CSMD3: variants seen among roughly 807,000 people sequenced by gnomAD.
CSMD3 encodes the protein CUB and Sushi multiple domains 3, also known as CUB and sushi domain-containing protein 3.
A neutral mutation model predicts 435.2 loss-of-function variants in CSMD3; 177 were observed. The observed-to-expected ratio is 0.41, with a 90% CI of 0.36 to 0.46. The LOEUF (loss-of-function observed/expected upper bound fraction) is 0.46, where lower values mean the gene tolerates loss of function less well. CSMD3 is among the 20% of genes least tolerant of loss of function. The pLI, the probability that CSMD3 is intolerant of heterozygous loss-of-function variation, is 0.34. For synonymous variants in CSMD3, 1,656 were observed against 1,520.5 expected, an observed-to-expected ratio of 1.09 and a Z score of -2.07; for missense variants, 4,265 against 4,504.6, an observed-to-expected ratio of 0.95 and a Z score of 1.52.
chr8:112,818,109 T>TA (rs1490908571), intron 12 of CSMD3, among the ~76,000 whole-genome samples: 16 of 151,944 alleles, frequency 1.1e-4, no homozygotes, highest in African/African-American at 3.9e-4. Flanking sequence ...TTTTATGGAA[T>TA]AGAATAAGTA....
chr8:112,722,402 T>C (rs1457456436), intron 13 of CSMD3, among the ~76,000 whole-genome samples: 1 of 152,174 alleles, frequency 6.6e-6, no homozygotes, highest in Non-Finnish European at 1.5e-5. Flanking sequence ...AAACATGATA[T>C]TGATATTGTG....
In CSMD3 at chr8:112,401,094, A is replaced by G. The variant is rs1831299252; in HGVS notation, c.5809+5430T>C. Among the ~76,000 whole-genome samples, 4 of 152,210 alleles carry G rather than the reference A, an allele frequency of 2.6e-5. No individual in the cohort carries two copies. In the South Asian group the frequency reaches 8.3e-4, roughly 32 times the overall value. ...CATGGTAGTGCATGCCTGTAATCCT[A>G]GCTGCTTGGGAGGCTGAGGTGGGAG... On this transcript the variant is annotated intron_variant, in intron 35 of 70. Coordinates refer to ENST00000297405, the MANE Select transcript of CSMD3 (RefSeq NM_198123.2).
chr8:113,041,570 G>A (rs1191729861), intron 5 of CSMD3, among the ~76,000 whole-genome samples: 3 of 151,874 alleles, frequency 2.0e-5, no homozygotes, highest in African/African-American at 4.8e-5. Flanking sequence ...CAATCTAAAG[G>A]GATTTGGAAT....
chr8:113,268,889 T>C (rs927375822), intron 3 of CSMD3, among the ~76,000 whole-genome samples: 1 of 152,070 alleles, frequency 6.6e-6, no homozygotes, highest in Non-Finnish European at 1.5e-5. Context: ...AAAATTCAGA[T>C]ATATTTTATA....
At chr8:112,258,867 A>G (rs761215616) in intron 61 of CSMD3, among the ~76,000 whole-genome samples, 6 of 152,006 alleles carry the variant, frequency 3.9e-5, no homozygotes, top group African/African-American at 9.7e-5. Flanking sequence ...GTGAAACCCC[A>G]TCTCTACTAA....
chr8:112,982,572 A>T (rs2085093440), intron 6 of CSMD3, among the ~76,000 whole-genome samples: 1 of 151,938 alleles, frequency 6.6e-6, no homozygotes, highest in African/African-American at 2.4e-5. Context: ...AATCTTGTGG[A>T]ACAGCTGGCA....
At chr8:113,413,385 T>C (rs888257825) in intron 1 of CSMD3, among the ~76,000 whole-genome samples, 1 of 152,106 alleles carries the variant, frequency 6.6e-6, no homozygotes, top group African/African-American at 2.4e-5. Context: ...TGGAAAATCT[T>C]TTATTATTGT....
In CSMD3 at chr8:112,677,758, G is replaced by C. The variant is rs577793294; in HGVS notation, c.2677+4684C>G. Among the ~76,000 whole-genome samples the C allele has an allele frequency of 2.6e-5, 4 of 152,088 alleles. No individual in the cohort carries two copies. In the South Asian group the frequency reaches 8.3e-4, roughly 32 times the overall value. On this transcript the variant is annotated intron_variant, in intron 16 of 70. Transcript: ENST00000297405. Reference sequence around the variant, plus strand: ...TTACACAACTTCACAACAAAAAATAGTAACTCAAGAAACTTTCTCCTGAAA... The same window carrying C: ...TTACACAACTTCACAACAAAAAATACTAACTCAAGAAACTTTCTCCTGAAA...
At chr8:113,409,975 C>G (rs2094550697) in intron 1 of CSMD3, among the ~76,000 whole-genome samples, 1 of 151,402 alleles carries the variant, frequency 6.6e-6, no homozygotes, top group Admixed American at 6.6e-5. Flanking sequence ...GTTTTTATAT[C>G]TAAAATAATT....
At chr8:113,081,195 A>T (rs1017921209) in intron 5 of CSMD3, among the ~76,000 whole-genome samples, 2 of 152,168 alleles carry the variant, frequency 1.3e-5, no homozygotes, top group Admixed American at 6.5e-5. Flanking sequence ...GGTGGCTTTA[A>T]ATAATAGAAT....
chr8:113,399,805 T>C (rs2094501695), intron 1 of CSMD3, among the ~76,000 whole-genome samples: 2 of 151,976 alleles, frequency 1.3e-5, no homozygotes, highest in Admixed American at 6.6e-5. Flanking sequence ...AGGTTTGCAT[T>C]GAATGGTATG....
intron 29 of CSMD3, among the ~76,000 whole-genome samples, chr8:112,506,283 C>G (rs1586548224): frequency 1.3e-5 from 2 of 152,074 alleles, no homozygotes; most frequent in East Asian, 3.9e-4. Context: ...CACATAAAAA[C>G]TAAGGAGCTT....
intron 27 of CSMD3, among the ~76,000 whole-genome samples, chr8:112,543,578 A>T (rs563628300): frequency 5.3e-5 from 8 of 152,274 alleles, no homozygotes; most frequent in African/African-American, 1.4e-4. Flanking sequence ...TATTAAAAAA[A>T]GGTGTTGGCA....
At chr8:112,568,495 T>C (rs1426534631) in intron 24 of CSMD3, among the ~76,000 whole-genome samples, 1 of 149,336 alleles carries the variant, frequency 6.7e-6, no homozygotes, top group Admixed American at 6.8e-5. Flanking sequence ...CTTAAGAGGC[T>C]GAGGCAGGAG....
intron 16 of CSMD3, among the ~76,000 whole-genome samples, chr8:112,674,154 T>A (rs1460161255): frequency 6.6e-6 from 1 of 152,126 alleles, no homozygotes; most frequent in Admixed American, 6.6e-5. Context: ...GGGAAGAGCA[T>A]GCTAAAGGAA....
chr8:113,201,129 A>T (rs1477422000), intron 3 of CSMD3, among the ~76,000 whole-genome samples: 3 of 151,952 alleles, frequency 2.0e-5, no homozygotes, highest in Non-Finnish European at 4.4e-5. Flanking sequence ...TTACCCATGG[A>T]TTAAAATCTT....
Position 113,291,246 on chromosome 8 carries a change from A to G in CSMD3, c.402-12542T>C, listed in dbSNP as rs566753002. The stretch of plus-strand genomic sequence containing the variant: ...CTATTATGTATCTGTTTTAAACATA[A>G]AAGTCTGCTATAATACATGTGACTT... On this transcript the variant is annotated intron_variant, in intron 2 of 70. Transcript: ENST00000297405. Among the ~76,000 whole-genome samples, 107 of 151,858 alleles carry G rather than the reference A, an allele frequency of 7.0e-4. 2 individuals are homozygous for G. The South Asian group carries it at 0.02, about 29-fold the overall frequency.
intron 1 of CSMD3, among the ~76,000 whole-genome samples, chr8:113,368,984 A>C (rs184910853): frequency 6.6e-6 from 1 of 152,222 alleles, no homozygotes; most frequent in East Asian, 1.9e-4. Context: ...ACTGCATTGA[A>C]ATATAATTTA....
intron 3 of CSMD3, among the ~76,000 whole-genome samples, chr8:113,229,782 G>A (rs917381046): frequency 4.0e-5 from 6 of 151,428 alleles, no homozygotes; most frequent in Admixed American, 1.3e-4. Context: ...ATGTTTTCTC[G>A]GCCTAAAATT....
Sources: gnomAD v4.1 joint callset for allele counts (sites outside exome capture counted in the v4.1 genomes callset) on GRCh38, gnomAD v4.1.1 for gene constraint, MANE v1.5 for transcripts, NCBI Gene and HGNC (gene_info 2026-07-23, HGNC 2026-07-21) for gene names.